DCHS2: variants seen among roughly 807,000 people sequenced by gnomAD.
DCHS2 encodes the protein dachsous cadherin-related 2.
In DCHS2, 142 loss-of-function variants were observed where a neutral mutation model predicts 182.4. The observed-to-expected ratio is 0.78, with a 90% CI of 0.68 to 0.89. The LOEUF (loss-of-function observed/expected upper bound fraction) is 0.89, where lower values mean the gene tolerates loss of function less well. Among genes scored for constraint, DCHS2 ranks in the 40% least tolerant of loss-of-function variants. The probability of loss-of-function intolerance (pLI) is 0.00; values close to 1 mark genes in which losing one functional copy is unlikely to be tolerated. For missense variants in DCHS2, 4,319 were observed against 4,198.6 expected, an observed-to-expected ratio of 1.03 and a Z score of -0.79; for synonymous variants, 1,740 against 1,663.3, an observed-to-expected ratio of 1.05 and a Z score of -1.12.
intron 1 of DCHS2, among the ~76,000 whole-genome samples, chr4:154,439,440 A>G (rs1356553673): frequency 6.6e-6 from 1 of 152,180 alleles, no homozygotes; most frequent in African/African-American, 2.4e-5. Context: ...GTTATGAAAT[A>G]CTTGTTTTTT....
intron 13 of DCHS2, among the ~76,000 whole-genome samples, chr4:154,288,951 G>C (rs912352754): frequency 3.9e-5 from 6 of 151,932 alleles, no homozygotes; most frequent in African/African-American, 1.4e-4. Context: ...GTTTATAGCT[G>C]TAAGTGCCTA....
At chr4:154,284,732 C>G (rs1734311649) in intron 13 of DCHS2, among the ~76,000 whole-genome samples, 1 of 152,178 alleles carries the variant, frequency 6.6e-6, no homozygotes, top group Non-Finnish European at 1.5e-5. Context: ...TCTCCTGTCT[C>G]AGCAGTTGGA....
chr4:154,351,402 G>A (rs182580888), intron 3 of DCHS2, among the ~76,000 whole-genome samples: 149 of 152,160 alleles, frequency 9.8e-4, no homozygotes, highest in Middle Eastern at 3.4e-3. Flanking sequence ...TAATGCAACT[G>A]CAATAAAAAC....
chr4:154,414,373 TAAC>T (rs1286071125), intron 1 of DCHS2, among the ~76,000 whole-genome samples: 6 of 151,750 alleles, frequency 4.0e-5, no homozygotes, highest in Non-Finnish European at 8.8e-5. Context: ...ACAAAATGCT[TAAC>T]ACTATAAATT....
chr4:154,456,345 A>G (rs1380827150), intron 1 of DCHS2, among the ~76,000 whole-genome samples: 3 of 152,184 alleles, frequency 2.0e-5, no homozygotes, highest in Non-Finnish European at 2.9e-5. Context: ...TTTATCATCA[A>G]CAGTGCAGTA....
chr4:154,262,701 A>G (rs1407291845), intron 14 of DCHS2, among the ~76,000 whole-genome samples: 1 of 152,244 alleles, frequency 6.6e-6, no homozygotes, highest in Non-Finnish European at 1.5e-5. Context: ...TACTGTGTAC[A>G]TGCATTTGTA....
chr4:154,304,849 A>C lies in DCHS2; in HGVS notation c.5425T>G (p.Leu1809Val), dbSNP rs1313874217. 6 of 1,612,966 alleles carry C rather than the reference A, an allele frequency of 3.7e-6. No individual in the cohort carries two copies. The highest frequency in any genetic ancestry group is 2.5e-6 in the Non-Finnish European group (3 of 1,179,578). The change falls in exon 12 of 20, where the codon TTG becomes GTG. Residue 1809 changes from leucine to valine, a missense_variant. Physicochemically the swap from Leu to Val is conservative, Grantham distance 32. Transcript: ENST00000357232. ...VLVRDGGFPS[L>V]SSTTTILCTV... ...CAGAGGATTGTTGTGGTGCTGGACA[A>C]TGAAGGGAATCCCCCATCTCGTACT... is the stretch of plus-strand genomic sequence containing the variant.
chr4:154,306,246 T>C (rs537486604), intron 10 of DCHS2, among the ~76,000 whole-genome samples: 30 of 152,214 alleles, frequency 2.0e-4, no homozygotes, highest in Admixed American at 1.6e-3. Flanking sequence ...TGAGATATAA[T>C]CTGCAGGCAT....
intron 3 of DCHS2, among the ~76,000 whole-genome samples, chr4:154,337,772 A>T (rs1169214282): frequency 6.6e-6 from 1 of 151,348 alleles, no homozygotes; most frequent in Non-Finnish European, 1.5e-5. Context: ...ATGAAGTTTC[A>T]CTCTGTTGCC....
At chr4:154,282,058 G>C in intron 13 of DCHS2, among the ~76,000 whole-genome samples, 1 of 152,048 alleles carries the variant, frequency 6.6e-6, no homozygotes. Context: ...AAATGTAAGA[G>C]CTGAAACTCC....
Position 154,489,800 on chromosome 4 carries a change from AGCGGCGGGGACCCC to A in DCHS2, c.1542_1555del (p.Gly515GlufsTer12). The stretch of plus-strand genomic sequence containing the variant: ...GAGTAGCAGCGTCTCCTCCGTGCTC[AGCGGCGGGGACCCC>A]GCGTCCGTGGCCACCAGTAGTAACT... On this transcript the variant is annotated frameshift_variant, in exon 1 of 20. Coordinates refer to ENST00000357232, the MANE Select transcript of DCHS2 (RefSeq NM_001358235.2). LOFTEE classifies it high-confidence loss of function. 2 of 1,551,606 alleles carry A rather than the reference AGCGGCGGGGACCCC, an allele frequency of 1.3e-6. No homozygotes were observed. Among genetic ancestry groups the A allele is most frequent in the Non-Finnish European group, 8.7e-7 (1 of 1,146,962 alleles).
chr4:154,397,711 T>A (rs1386441229), intron 1 of DCHS2, among the ~76,000 whole-genome samples: 1 of 152,210 alleles, frequency 6.6e-6, no homozygotes, highest in Non-Finnish European at 1.5e-5. Flanking sequence ...AAGAATTGAC[T>A]TTTTACAAGT....
At chr4:154,267,266 G>T (rs1043819846) in intron 14 of DCHS2, among the ~76,000 whole-genome samples, 4 of 152,222 alleles carry the variant, frequency 2.6e-5, no homozygotes, top group African/African-American at 9.7e-5. Context: ...AGGCAGGTGT[G>T]TGACCTTGAT....
In DCHS2 at chr4:154,237,015, G is replaced by A; in HGVS notation, c.7637C>T (p.Ala2546Val). 7 of 1,613,940 alleles carry A rather than the reference G, an allele frequency of 4.3e-6. No homozygotes were observed. Among genetic ancestry groups the A allele is most frequent in the South Asian group, 1.1e-5 (1 of 91,068 alleles). The change falls in exon 20 of 20, where the codon GCC becomes GTC. Residue 2546 changes from alanine (A) to valine (V), a missense_variant. Ala to Val is a moderately conservative substitution (Grantham distance 64, BLOSUM62 0). Coordinates refer to ENST00000357232, the MANE Select transcript of DCHS2 (RefSeq NM_001358235.2). ...EIGIEDMNNY[A>V]PEFTVKSYNL... ...ATAGGATTTGACTGTGAATTCAGGG[G>A]CATAATTGTTCATATCTTCTATTCC... is the stretch of plus-strand genomic sequence containing the variant.
intron 1 of DCHS2, among the ~76,000 whole-genome samples, chr4:154,414,422 C>T (rs1042805617): frequency 2.1e-5 from 3 of 143,042 alleles, no homozygotes; most frequent in Non-Finnish European, 4.5e-5. Flanking sequence ...TTAAAGGAAG[C>T]AAAGCAGAAA....
Position 154,489,998 on chromosome 4 carries a change from T to G in DCHS2, c.1358A>C (p.Glu453Ala). 2 of 1,549,568 alleles carry G rather than the reference T, an allele frequency of 1.3e-6. No individual in the cohort carries two copies. Among genetic ancestry groups the G allele is most frequent in the Non-Finnish European group, 1.7e-6 (2 of 1,146,866 alleles). The change falls in exon 1 of 20, where the codon GAG becomes GCG. Residue 453 changes from glutamate (E) to alanine (A), a missense_variant. Transcript: ENST00000357232. ...DADGDWEKED[E>A]ATGELGVGLG... ...ACCCACACCAAGCTCCCCTGTGGCC[T>G]CATCTTCCTTCTCCCAGTCACCGTC...
chr4:154,418,349 T>C (rs78821913), intron 1 of DCHS2, among the ~76,000 whole-genome samples: 1 of 152,130 alleles, frequency 6.6e-6, no homozygotes, highest in East Asian at 1.9e-4. Flanking sequence ...CACTACCTGA[T>C]TAAAAACAGG....
In DCHS2 at chr4:154,433,509, C is replaced by T. The variant is rs570478080; in HGVS notation, c.2052+55795G>A. Among the ~76,000 whole-genome samples, 225 of 141,668 alleles carry T rather than the reference C, an allele frequency of 1.6e-3. 4 individuals carry two copies. In the South Asian group the frequency reaches 0.049, roughly 31 times the overall value. 92.9% of individuals were successfully genotyped at this position (141,668 alleles called of 152,430 possible). ...TCCCGTGTTCAAGTGATTCTTCTGA[C>T]TCAGCCTCCCAAGTAGCTGGGCCTA... is the stretch of plus-strand genomic sequence containing the variant. On this transcript the variant is annotated intron_variant, in intron 1 of 19. Transcript: ENST00000357232.
intron 13 of DCHS2, among the ~76,000 whole-genome samples, chr4:154,295,730 A>G (rs569375695): frequency 6.6e-6 from 1 of 152,328 alleles, no homozygotes; most frequent in Admixed American, 6.5e-5. Context: ...TAATCTTTAC[A>G]GTATCCCTGT....
Sources: gnomAD v4.1 joint callset for allele counts (sites outside exome capture counted in the v4.1 genomes callset) on GRCh38, gnomAD v4.1.1 for gene constraint, MANE v1.5 for transcripts, NCBI Gene and HGNC (gene_info 2026-07-23, HGNC 2026-07-21) for gene names.